Variants in SPCS3 observed in about 807,000 individuals in gnomAD.
SPCS3 encodes SPase 22 kDa subunit.
In SPCS3, 9 loss-of-function variants were observed where a neutral mutation model predicts 17.2. That is an observed-to-expected ratio of 0.52 (90% CI 0.31 to 0.91). The LOEUF (loss-of-function observed/expected upper bound fraction) is 0.91. Ranked by LOEUF, SPCS3 falls within the 40% of genes least tolerant of loss-of-function variation. SPCS3 has a pLI of 0.04. For synonymous variants in SPCS3, 87 were observed against 89.6 expected (o/e 0.97, Z 0.16); for missense variants, 139 against 217.5 (o/e 0.64, Z 2.27).
intron 3 of SPCS3, among the ~76,000 whole-genome samples, chr4:176,325,305 C>T (rs1014309952): frequency 1.3e-5 from 2 of 151,914 alleles, no homozygotes; most frequent in East Asian, 1.9e-4. Flanking sequence ...CCGCATGCCT[C>T]GTCCTCCCAA....
At position 176,329,347 on chromosome 4, in the gene SPCS3, T is replaced by TA. The variant is rs1169700563; in HGVS notation, c.*1018dup. On this transcript the variant is annotated 3_prime_UTR_variant, in exon 5 of 5. Transcript: ENST00000503362. The stretch of plus-strand genomic sequence containing the variant: ...GAAGTTTATTGAATTGCTTCATTGT[T>TA]ACCTAGCCAGCAAGGAGTGGAATTA... 6.6e-6 allele frequency: 1 copy of TA among 152,164 alleles called. No individual in the cohort carries two copies. Among genetic ancestry groups the TA allele is most frequent in the Non-Finnish European group, 1.5e-5 (1 of 67,996 alleles). The allele number at this position is 152,164 out of a possible 1,614,324, so 9.4% of individuals were successfully genotyped here.
intron 3 of SPCS3, among the ~76,000 whole-genome samples, chr4:176,324,727 A>G (rs1448785040): frequency 2.0e-5 from 3 of 152,250 alleles, no homozygotes; most frequent in African/African-American, 4.8e-5. Context: ...ATTTTAGCCA[A>G]TCCTTTCAAA....
At chr4:176,323,889 T>A (rs753806899) in intron 2 of SPCS3, among the ~76,000 whole-genome samples, 4 of 151,974 alleles carry the variant, frequency 2.6e-5, no homozygotes, top group Non-Finnish European at 4.4e-5. Flanking sequence ...GAAAACCAAA[T>A]TTTGGATTTG....
At chr4:176,326,448 T>A (rs1182712460) in intron 3 of SPCS3, among the ~76,000 whole-genome samples, 2 of 152,234 alleles carry the variant, frequency 1.3e-5, no homozygotes, top group Non-Finnish European at 2.9e-5. Context: ...AAATTTTTTT[T>A]ATTTCCATTT....
rs368327373 is a variant in SPCS3 at position 176,322,265 on chromosome 4, C to G, written c.217+22C>G. The G allele has an allele frequency of 2.7e-6, 4 of 1,507,140 alleles. No homozygotes were observed. In the African/African-American group the frequency reaches 5.5e-5, roughly 21 times the overall value. The allele number at this position is 1,507,140 out of a possible 1,614,324, so 93.4% of individuals were successfully genotyped here. ...GCTGATATCCTTTAAGAAAATATTT[C>G]GTTGCGTTTTCTGTAGTTTTATAAT... On this transcript the variant is annotated intron_variant, in intron 2 of 4. Transcript: ENST00000503362.
chr4:176,326,375 C>T (rs774083569), intron 3 of SPCS3, among the ~76,000 whole-genome samples: 87 of 151,940 alleles, frequency 5.7e-4, no homozygotes, highest in Admixed American at 2.2e-3. Flanking sequence ...GAGTAATTGG[C>T]CTTAAAAGCG....
intron 1 of SPCS3, chr4:176,320,509 C>G (rs1731521258): frequency 5.2e-6 from 1 of 191,102 alleles, no homozygotes; most frequent in African/African-American, 2.3e-5. Flanking sequence ...CTGTTCCTCA[C>G]TTCCCTCCAC....
chr4:176,328,913 C>G lies in SPCS3; in HGVS notation c.*583C>G, dbSNP rs1176984341. The G allele has an allele frequency of 6.6e-6, 1 of 152,150 alleles. No homozygotes were observed. The highest frequency in any genetic ancestry group is 1.9e-4 in the East Asian group (1 of 5,192). The allele number at this position is 152,150 out of a possible 1,614,324, so 9.4% of individuals were successfully genotyped here. A position where few individuals can be genotyped will look rare whatever the true frequency, so the allele number is the denominator to read the frequency against. ...TAATACTTGTTTTTCTTACATGTGA[C>G]TAGCAACTTTCTCCACTTAAAGACT... On this transcript the variant is annotated 3_prime_UTR_variant, in exon 5 of 5. Coordinates refer to ENST00000503362, the MANE Select transcript of SPCS3 (RefSeq NM_021928.4).
Position 176,330,896 on chromosome 4 carries a change from G to C in SPCS3, c.*2566G>C, listed in dbSNP as rs1731677241. On this transcript the variant is annotated 3_prime_UTR_variant, in exon 5 of 5. Coordinates refer to ENST00000503362, the MANE Select transcript of SPCS3 (RefSeq NM_021928.4). ...TGTTCACATATCCCTTTCTCTAACAGTTTAACCTAGACAAACATCTGTATC... is the reference window on the plus strand; with the variant it reads ...TGTTCACATATCCCTTTCTCTAACACTTTAACCTAGACAAACATCTGTATC... The C allele has an allele frequency of 6.6e-6, 1 of 152,170 alleles. No individual in the cohort carries two copies. The highest frequency in any genetic ancestry group is 2.4e-5 in the African/African-American group (1 of 41,434). 9.4% of individuals were successfully genotyped at this position (152,170 alleles called of 1,614,324 possible).
intron 2 of SPCS3, among the ~76,000 whole-genome samples, chr4:176,323,964 T>C (rs921542016): frequency 1.3e-5 from 2 of 152,086 alleles, no homozygotes; most frequent in East Asian, 3.9e-4. Flanking sequence ...AGGATGCCAG[T>C]AATCTCATAC....
At chr4:176,323,060 G>C (rs1373049439) in intron 2 of SPCS3, among the ~76,000 whole-genome samples, 4 of 152,038 alleles carry the variant, frequency 2.6e-5, no homozygotes, top group Admixed American at 2.6e-4. Context: ...TATCTAATTT[G>C]CCTTTCTATG....
chr4:176,323,109 T>C (rs761727174), intron 2 of SPCS3, among the ~76,000 whole-genome samples: 1 of 152,284 alleles, frequency 6.6e-6, no homozygotes, highest in East Asian at 1.9e-4. Flanking sequence ...TTGGTAATTA[T>C]TGGATTTAGA....
intron 2 of SPCS3, among the ~76,000 whole-genome samples, chr4:176,323,859 T>C (rs1228080869): frequency 6.6e-6 from 1 of 152,062 alleles, no homozygotes; most frequent in Non-Finnish European, 1.5e-5. Context: ...TTTTTTTTTT[T>C]TAACTTAGTT....
chr4:176,324,192 A>G lies in SPCS3; in HGVS notation c.229A>G (p.Ile77Val). Residue 77 changes from isoleucine to valine, a missense_variant, in exon 3 of 5, where the codon ATA becomes GTA. Ile to Val is a conservative substitution (Grantham distance 29). Transcript: ENST00000503362. ...CTTAATTTACTTACATCTAGAGAAT[A>G]TATTTGATTGGAATGTTAAGCAGTT... ...TFDITADLEN[I>V]FDWNVKQLFL... is the part of the protein sequence containing the mutation. 1 of 1,171,764 alleles carries G rather than the reference A, an allele frequency of 8.5e-7. No homozygotes were observed. Among genetic ancestry groups the G allele is most frequent in the Non-Finnish European group, 1.2e-6 (1 of 851,716 alleles). The allele number at this position is 1,171,764 out of a possible 1,614,324, so 72.6% of individuals were successfully genotyped here. A position where few individuals can be genotyped will look rare whatever the true frequency, so the allele number is the denominator to read the frequency against.
At chr4:176,321,036 T>C (rs907091188) in intron 1 of SPCS3, 4 of 152,252 alleles carry the variant, frequency 2.6e-5, no homozygotes, top group Non-Finnish European at 4.4e-5. Context: ...TCGTCGTATT[T>C]TTCCATCTCT....
Position 176,327,212 on chromosome 4 carries a change from T to C in SPCS3, c.345T>C (p.Asn115=). Residue 115 remains asparagine, a synonymous_variant, in exon 4 of 5, where the codon AAT becomes AAC. Transcript: ENST00000503362. ...ACAAGATTGTTTTGAGAGGTGATAA[T>C]CCGAAGCTGCTGCTGAAAGATATGA... ...LWDKIVLRGD[N]PKLLLKDMKT... 1 of 1,600,580 alleles carries C rather than the reference T, an allele frequency of 6.2e-7. No individual in the cohort carries two copies. Among genetic ancestry groups the C allele is most frequent in the Non-Finnish European group, 8.5e-7 (1 of 1,173,856 alleles).
At chr4:176,325,704 A>G (rs971687784) in intron 3 of SPCS3, among the ~76,000 whole-genome samples, 2 of 152,086 alleles carry the variant, frequency 1.3e-5, no homozygotes, top group Non-Finnish European at 1.5e-5. Flanking sequence ...TAATCTGAGT[A>G]TCTGAGTACT....
At chr4:176,321,756 A>C (rs1248392145) in intron 1 of SPCS3, 1 of 153,252 alleles carries the variant, frequency 6.5e-6, no homozygotes, top group Non-Finnish European at 1.5e-5. Context: ...TTGACCGCGG[A>C]TAATTGAAAC....
chr4:176,321,836 G>C (rs1299619154), intron 1 of SPCS3: 1 of 165,968 alleles, frequency 6.0e-6, no homozygotes, highest in Non-Finnish European at 1.3e-5. Context: ...GTTAGTATTC[G>C]TATCACCTTG....
Sources: allele counts gnomAD v4.1 joint callset (sites outside exome capture counted in the v4.1 genomes callset), GRCh38; gene constraint gnomAD v4.1.1; transcripts MANE v1.5; gene names NCBI Gene and HGNC (gene_info 2026-07-23, HGNC 2026-07-21).